The following ADAMTS9 variants were observed in gnomAD, a reference collection of about 807,000 sequenced individuals.
ADAMTS9 encodes A disintegrin and metalloproteinase with thrombospondin motifs 9.
A neutral mutation model predicts 257.1 loss-of-function variants in ADAMTS9; 107 were observed. That is an observed-to-expected ratio of 0.42 (90% CI 0.36 to 0.49). ADAMTS9 has a LOEUF of 0.49. Ranked by LOEUF, ADAMTS9 falls within the 20% of genes least tolerant of loss-of-function variation. The pLI is 0.03. For synonymous variants in ADAMTS9, 982 were observed against 880.9 expected, an observed-to-expected ratio of 1.11 and a Z score of -2.03; for missense variants, 2,353 against 2,469.1, an observed-to-expected ratio of 0.95 and a Z score of 1.00.
chr3:64,622,408 TC>T lies in ADAMTS9; in HGVS notation c.2556+11del, dbSNP rs1559796808. On this transcript the variant is annotated intron_variant, in intron 17 of 39. Coordinates refer to ENST00000498707, the MANE Select transcript of ADAMTS9 (RefSeq NM_182920.2). ...GAAGAAAAGGGTGGTGGGCTCATGG[TC>T]AAGTTTTTACCTGAAGCAAAAGTTC... The T allele has an allele frequency of 6.2e-7, 1 of 1,613,616 alleles. No individual in the cohort carries two copies. The highest frequency in any genetic ancestry group is 8.5e-7 in the Non-Finnish European group (1 of 1,179,832).
intron 37 of ADAMTS9, among the ~76,000 whole-genome samples, chr3:64,535,005 A>G (rs1329888523): frequency 6.6e-6 from 1 of 152,204 alleles, no homozygotes; most frequent in Non-Finnish European, 1.5e-5. Flanking sequence ...AGTAAGACTT[A>G]ACCTGTGAAT....
At chr3:64,603,416 T>C (rs2084501052) in intron 25 of ADAMTS9, among the ~76,000 whole-genome samples, 1 of 113,864 alleles carries the variant, frequency 8.8e-6, no homozygotes, top group South Asian at 2.5e-4. Context: ...AAAGTTCTAC[T>C]TGTAAAAAAA....
chr3:64,637,050 G>C (rs772612445), intron 12 of ADAMTS9, among the ~76,000 whole-genome samples: 41 of 152,090 alleles, frequency 2.7e-4, no homozygotes, highest in Non-Finnish European at 7.3e-5. Context: ...TCAAAAGTTG[G>C]TCTGCAAGTT....
intron 27 of ADAMTS9, among the ~76,000 whole-genome samples, chr3:64,594,977 T>C (rs9865484): frequency 0.56 from 85,307 of 151,516 alleles, 24,977 homozygotes; most frequent in East Asian, 0.79. Flanking sequence ...TTAGTAGAGA[T>C]GGGGTTTCAC....
chr3:64,636,045 C>T (rs1243058092), intron 12 of ADAMTS9, among the ~76,000 whole-genome samples: 1 of 151,652 alleles, frequency 6.6e-6, no homozygotes, highest in Non-Finnish European at 1.5e-5. Context: ...CTGAAAGTAA[C>T]TCATACTTCT....
At chr3:64,523,239 T>TA (rs978695435) in intron 38 of ADAMTS9, among the ~76,000 whole-genome samples, 3 of 152,164 alleles carry the variant, frequency 2.0e-5, no homozygotes, top group Non-Finnish European at 4.4e-5. Flanking sequence ...AACAGTCAAT[T>TA]AAAAAAACAA....
At chr3:64,623,145 C>G (rs1700147688) in intron 16 of ADAMTS9, among the ~76,000 whole-genome samples, 1 of 152,068 alleles carries the variant, frequency 6.6e-6, no homozygotes, top group Admixed American at 6.5e-5. Context: ...AATATGGCCC[C>G]AACGAGCCTT....
chr3:64,564,206 T>A (rs769679807), intron 29 of ADAMTS9, among the ~76,000 whole-genome samples: 1 of 152,206 alleles, frequency 6.6e-6, no homozygotes, highest in Non-Finnish European at 1.5e-5. Context: ...GTAGACGTTT[T>A]TCACTCTGAA....
rs1701925536 is a variant in ADAMTS9, at chr3:64,686,840, G to A, written c.244C>T (p.Pro82Ser). 2 of 1,613,998 alleles carry A rather than the reference G, an allele frequency of 1.2e-6. No homozygotes were observed. Among genetic ancestry groups the A allele is most frequent in the Middle Eastern group, 1.6e-4 (1 of 6,084 alleles). Reference sequence around the variant, plus strand: ...GAGGAGGAGGCGAAGGCAGGCCAGGGGTCAGTGGCAGAGTTAATGCTCCGT... The same window carrying A: ...GAGGAGGAGGCGAAGGCAGGCCAGGAGTCAGTGGCAGAGTTAATGCTCCGT... The part of the protein sequence containing the change: ...TRRSINSATD[P>S]WPAFASSSSS... The change falls in exon 2 of 40, where the codon CCC (proline) becomes TCC (serine). Residue 82 changes from proline to serine, a missense_variant. Coordinates refer to ENST00000498707, the MANE Select transcript of ADAMTS9 (RefSeq NM_182920.2). This position sits in a 1 kb window ranked among gnomAD's most constrained non-coding sequence, Gnocchi z 4.6.
In ADAMTS9 at chr3:64,677,409, C is replaced by T. The variant is rs147764101; in HGVS notation, c.679+3792G>A. Reference sequence around the variant, plus strand: ...CAGCCACTGGGCCAAGAGAAACTTGCAAGAAAGAAAATATTTAAATGTTGC... The same window carrying T: ...CAGCCACTGGGCCAAGAGAAACTTGTAAGAAAGAAAATATTTAAATGTTGC... On this transcript the variant is annotated intron_variant, in intron 3 of 39. Transcript: ENST00000498707. Among the ~76,000 whole-genome samples the T allele has an allele frequency of 1.7e-3, 266 of 152,236 alleles. 2 individuals are homozygous for T. The highest frequency in any genetic ancestry group is 5.8e-3 in the African/African-American group (241 of 41,528).
chr3:64,577,387 A>G (rs2083882194), intron 28 of ADAMTS9, among the ~76,000 whole-genome samples: 1 of 152,188 alleles, frequency 6.6e-6, no homozygotes. Context: ...ACCTGACATC[A>G]GCAGAATAAT....
chr3:64,603,484 C>T (rs1191112227), intron 25 of ADAMTS9, among the ~76,000 whole-genome samples: 1 of 152,104 alleles, frequency 6.6e-6, no homozygotes, highest in Non-Finnish European at 1.5e-5. Flanking sequence ...TGAGGATTCC[C>T]ACTTCCCATT....
At chr3:64,603,229 G>A (rs549103004) in intron 25 of ADAMTS9, among the ~76,000 whole-genome samples, 1 of 152,238 alleles carries the variant, frequency 6.6e-6, no homozygotes, top group African/African-American at 2.4e-5. Context: ...AAATGCCAAG[G>A]TCTGGGTTTT....
chr3:64,559,794 G>C (rs766052927), intron 30 of ADAMTS9, among the ~76,000 whole-genome samples: 1 of 152,194 alleles, frequency 6.6e-6, no homozygotes, highest in Non-Finnish European at 1.5e-5. Context: ...GTGCATTTTC[G>C]TGATTGGCTC....
At chr3:64,576,058 C>G (rs2083837388) in intron 28 of ADAMTS9, among the ~76,000 whole-genome samples, 1 of 152,152 alleles carries the variant, frequency 6.6e-6, no homozygotes, top group African/African-American at 2.4e-5. Context: ...CCAGAGAAAT[C>G]AATCCACAGA....
At chr3:64,646,129 T>A (rs973358542) in intron 11 of ADAMTS9, among the ~76,000 whole-genome samples, 1 of 152,188 alleles carries the variant, frequency 6.6e-6, no homozygotes, top group African/African-American at 2.4e-5. Flanking sequence ...AGTGGGTGGA[T>A]CCATCAGGTT....
At chr3:64,622,960 G>C (rs567476710) in intron 16 of ADAMTS9, among the ~76,000 whole-genome samples, 2 of 152,030 alleles carry the variant, frequency 1.3e-5, no homozygotes, top group Non-Finnish European at 2.9e-5. Flanking sequence ...ATTAGTGAAC[G>C]GAACACTTAC....
At chr3:64,517,667 T>C (rs6803711) in intron 39 of ADAMTS9, among the ~76,000 whole-genome samples, 2,249 of 152,026 alleles carry the variant, frequency 0.015, 45 homozygotes, top group African/African-American at 0.052. Context: ...CCACCTGAGA[T>C]AACTGCTCTT....
In ADAMTS9 at chr3:64,607,451, A is replaced by G. The variant is rs149224355; in HGVS notation, c.3355-372T>C. Among the ~76,000 whole-genome samples the G allele has an allele frequency of 4.7e-4, 71 of 152,314 alleles. 1 individual carries two copies. In the East Asian group the frequency reaches 0.014, roughly 29 times the overall value. Reference sequence around the variant, plus strand: ...CTGTGACTTTATTTGACTTCTAGGAAATTATCCTGAAGAAATAACTGGAGT... The same window carrying G: ...CTGTGACTTTATTTGACTTCTAGGAGATTATCCTGAAGAAATAACTGGAGT... On this transcript the variant is annotated intron_variant, in intron 22 of 39. Transcript: ENST00000498707.
Sources: allele counts gnomAD v4.1 joint callset (sites outside exome capture counted in the v4.1 genomes callset), GRCh38; gene constraint gnomAD v4.1.1; non-coding constraint Gnocchi (gnomAD v3.1); transcripts MANE v1.5; gene names NCBI Gene and HGNC (gene_info 2026-07-23, HGNC 2026-07-21).